Variants in WDR11 observed in about 807,000 individuals in gnomAD.
WDR11 encodes WD repeat-containing protein 11.
Under a neutral mutation model 151.2 loss-of-function variants are expected in WDR11, and 83 were observed. That is an observed-to-expected ratio of 0.55 (90% confidence interval 0.46 to 0.66). The LOEUF (loss-of-function observed/expected upper bound fraction) is 0.66. WDR11 is among the 30% of genes least tolerant of loss of function. The pLI is 0.00. For missense variants in WDR11, 1,301 were observed against 1,480.9 expected, an observed-to-expected ratio of 0.88 and a Z score of 1.99; for synonymous variants, 484 against 533.1, an observed-to-expected ratio of 0.91 and a Z score of 1.27.
chr10:120,868,849 T>C (rs910714724), intron 9 of WDR11: 1 of 152,228 alleles, frequency 6.6e-6, no homozygotes, highest in African/African-American at 2.4e-5. Context: ...CTTACTATTA[T>C]ATCTAAAATT....
At chr10:120,857,880 A>G (rs748168759) in intron 2 of WDR11, among the ~76,000 whole-genome samples, 46 of 152,224 alleles carry the variant, frequency 3.0e-4, no homozygotes, top group Non-Finnish European at 5.3e-4. Context: ...GGACTCATGA[A>G]TAGGCAAAAA....
chr10:120,874,571 G>A (rs1341944126), intron 11 of WDR11, among the ~76,000 whole-genome samples: 14 of 149,884 alleles, frequency 9.3e-5, no homozygotes, highest in Non-Finnish European at 2.1e-4. Flanking sequence ...ACATGCCCCC[G>A]CCAACAGGCC....
chr10:120,871,389 A>G (rs945466012), intron 10 of WDR11, 43 bp downstream of exon 10: 2 of 1,583,202 alleles, frequency 1.3e-6, no homozygotes, highest in Non-Finnish European at 1.7e-6. Context: ...CTCACTTTAT[A>G]AGATGTTTAG....
intron 2 of WDR11, among the ~76,000 whole-genome samples, chr10:120,855,601 C>G (rs1442519302): frequency 6.6e-6 from 1 of 151,508 alleles, no homozygotes; most frequent in African/African-American, 2.4e-5. Flanking sequence ...AGATATATAC[C>G]TTTGTTTTTT....
At chr10:120,895,212 TC>T (rs10708174) in intron 19 of WDR11, among the ~76,000 whole-genome samples, 3,385 of 152,272 alleles carry the variant, frequency 0.022, 123 homozygotes, top group African/African-American at 0.077. Flanking sequence ...TTAATTTTTT[TC>T]CCTGACATTT....
chr10:120,866,830 A>G lies in WDR11; in HGVS notation c.1190+66A>G, dbSNP rs1330340630. 20 of 1,580,330 alleles carry G rather than the reference A, an allele frequency of 1.3e-5. No homozygotes were observed. In the East Asian group the frequency reaches 1.3e-4, roughly 11 times the overall value. Reference sequence around the variant, plus strand: ...CTGTTTCCTTTTATAAAAAATTTCCATAATCATAAAAATAGGAGGGCTGGT... The same window carrying G: ...CTGTTTCCTTTTATAAAAAATTTCCGTAATCATAAAAATAGGAGGGCTGGT... On this transcript the variant is annotated intron_variant, in intron 8 of 28. Coordinates refer to ENST00000263461, the MANE Select transcript of WDR11 (RefSeq NM_018117.12).
intron 12 of WDR11, 62 bp downstream of exon 12, chr10:120,878,521 A>G: frequency 7.2e-7 from 1 of 1,381,254 alleles, no homozygotes; most frequent in South Asian, 1.2e-5. Context: ...CATTTATAAA[A>G]CATGTTTGAA....
chr10:120,870,945 C>T (rs1195853190), intron 9 of WDR11, among the ~76,000 whole-genome samples: 1 of 152,116 alleles, frequency 6.6e-6, no homozygotes, highest in Non-Finnish European at 1.5e-5. Flanking sequence ...TTCTGGATAG[C>T]AGGACTCGGG....
chr10:120,865,685 T>G lies in WDR11; in HGVS notation c.935T>G (p.Ile312Arg). The G allele has an allele frequency of 6.2e-7, 1 of 1,611,292 alleles. No homozygotes were observed. The highest frequency in any genetic ancestry group is 8.5e-7 in the Non-Finnish European group (1 of 1,179,388). Residue 312 changes from isoleucine to arginine, a missense_variant, in exon 7 of 29, where the codon ATA becomes AGA. Ile to Arg is a moderately conservative substitution (Grantham distance 97). Transcript: ENST00000263461. ...GLFCLHENGC[I>R]TLRVRRSYNN... ...TTTTGTCTACATGAAAATGGTTGTA[T>G]AACTTTACGTGTTCGAAGATCTTAT... is the stretch of plus-strand genomic sequence containing the variant.
chr10:120,871,080 TG>T, intron 9 of WDR11, 89 bp from the exon 10 acceptor site: 1 of 1,337,442 alleles, frequency 7.5e-7, no homozygotes, highest in East Asian at 2.5e-5. Flanking sequence ...CTTTTAGACC[TG>T]AAGAGCATTT....
At position 120,883,815 on chromosome 10, in the gene WDR11, T is replaced by G. The variant is rs1481948179; in HGVS notation, c.1775T>G (p.Leu592Arg). 6.2e-7 allele frequency: 1 copy of G among 1,613,466 alleles called. No homozygotes were observed. The highest frequency in any genetic ancestry group is 8.5e-7 in the Non-Finnish European group (1 of 1,179,626). The change falls in exon 14 of 29, where the codon CTG becomes CGG. Residue 592 changes from leucine to arginine, a missense_variant. By Grantham distance (102) the Leu-to-Arg change is moderately radical (BLOSUM62 -2). Around this residue, in one of 3 missense-constraint regions of WDR11, gnomAD observed 692 missense variants for 762.5 expected, o/e 0.91. Transcript: ENST00000263461. ...GCAGTCGTATTCAGAGATAAACCCC[T>G]GGAGCTATGGGATGTTAGGACTTGT... ...YLAVVFRDKP[L>R]ELWDVRTCTL... is the part of the protein sequence containing the mutation.
Position 120,901,615 on chromosome 10 carries a change from G to A in WDR11, c.2687+517G>A, listed in dbSNP as rs139469984. Among the ~76,000 whole-genome samples the A allele has an allele frequency of 1.4e-4, 21 of 152,312 alleles. No individual in the cohort carries two copies. The East Asian group carries it at 4.1e-3, about 29-fold the overall frequency. On this transcript the variant is annotated intron_variant, in intron 21 of 28. Transcript: ENST00000263461. Reference sequence around the variant, plus strand: ...TATGGGTCTACAAGGAGTTCTTGGGGAAAGCGTAACACATTTTTGCAATCT... The same window carrying A: ...TATGGGTCTACAAGGAGTTCTTGGGAAAAGCGTAACACATTTTTGCAATCT...
intron 23 of WDR11, 23 bp downstream of exon 23, chr10:120,903,255 A>G (rs776429673): frequency 6.2e-7 from 1 of 1,613,630 alleles, no homozygotes; most frequent in Non-Finnish European, 8.5e-7. Context: ...ACACAGCAAA[A>G]CCTTTAGAGC....
chr10:120,851,467 C>G lies in WDR11; in HGVS notation c.47C>G (p.Thr16Arg), dbSNP rs1845768292. 3 of 1,612,328 alleles carry G rather than the reference C, an allele frequency of 1.9e-6. No homozygotes were observed. The highest frequency in any genetic ancestry group is 2.5e-6 in the Non-Finnish European group (3 of 1,179,800). ...TTCAAGGTGTCGGCGCGCACCCTCA[C>G]GGGGGCCCTCAACGCCCACAACAAG... is the stretch of plus-strand genomic sequence containing the variant. ...VNFKVSARTL[T>R]GALNAHNKAA... Residue 16 changes from threonine to arginine, a missense_variant, in exon 1 of 29, where the codon ACG becomes AGG. Thr to Arg is a moderately conservative substitution (Grantham distance 71, BLOSUM62 -1). Coordinates refer to ENST00000263461, the MANE Select transcript of WDR11 (RefSeq NM_018117.12).
intron 23 of WDR11, 38 bp downstream of exon 23, chr10:120,903,270 A>G (rs762531521): frequency 1.9e-6 from 3 of 1,608,028 alleles, no homozygotes; most frequent in East Asian, 4.5e-5. Context: ...TAGAGCTGTC[A>G]TCTTGATTAC....
intron 5 of WDR11, 92 bp from the exon 6 acceptor site, chr10:120,864,955 T>C: frequency 1.4e-6 from 2 of 1,464,774 alleles, no homozygotes; most frequent in Non-Finnish European, 1.9e-6. Context: ...ATTTTTATTG[T>C]CAATTTTTAT....
chr10:120,861,191 G>A (rs951213391), intron 4 of WDR11, among the ~76,000 whole-genome samples: 2 of 152,160 alleles, frequency 1.3e-5, no homozygotes, highest in African/African-American at 4.8e-5. Flanking sequence ...GGATTTGAAT[G>A]ACTCAAAATT....
At chr10:120,857,140 G>A (rs555701404) in intron 2 of WDR11, among the ~76,000 whole-genome samples, 17 of 152,182 alleles carry the variant, frequency 1.1e-4, no homozygotes, top group African/African-American at 4.1e-4. Context: ...CTTAGAAACG[G>A]TAGGCAGTAT....
At chr10:120,874,185 TTTTTTTTGTTGTTGTTGTTGTTG>T (rs1281246566) in intron 11 of WDR11, among the ~76,000 whole-genome samples, 1 of 64,444 alleles carries the variant, frequency 1.6e-5, no homozygotes, top group Non-Finnish European at 3.6e-5. Context: ...AGTTTTTTTT[TTTTTTTTGTTGTTGTTGTTGTTG>T]TTTGTTTTGT....
Sources: allele counts gnomAD v4.1 joint callset (sites outside exome capture counted in the v4.1 genomes callset), GRCh38; gene constraint gnomAD v4.1.1; regional missense constraint gnomAD v4.1.1; transcripts MANE v1.5; gene names NCBI Gene and HGNC (gene_info 2026-07-23, HGNC 2026-07-21).